CHMP4C: variants seen among roughly 807,000 people sequenced by gnomAD.
CHMP4C encodes SNF7 homolog associated with Alix 3.
In CHMP4C, 28 loss-of-function variants were observed where a neutral mutation model predicts 29.0. That is an observed-to-expected ratio of 0.97 (90% confidence interval 0.72 to 1.32). The LOEUF (loss-of-function observed/expected upper bound fraction) is 1.32, where lower values mean the gene tolerates loss of function less well. CHMP4C is among the 40% of genes most tolerant of loss of function. The probability of loss-of-function intolerance (pLI) is 0.00; values close to 1 mark genes in which losing one functional copy is unlikely to be tolerated. For synonymous variants in CHMP4C, 106 were observed against 102.4 expected (o/e 1.04, Z -0.21); for missense variants, 291 against 281.0 (o/e 1.04, Z -0.25).
At position 81,759,133 on chromosome 8, in the gene CHMP4C, C is replaced by A. The variant is rs927388826; in HGVS notation, c.*589C>A. On this transcript the variant is annotated 3_prime_UTR_variant, in exon 5 of 5. Coordinates refer to ENST00000297265, the MANE Select transcript of CHMP4C (RefSeq NM_152284.4). ...ATATACTGTGTCTCTTTTGGGAGAG[C>A]CTTTTAGTAGAGGAGTCTTATATGA... 3 of 152,534 alleles carry A rather than the reference C, an allele frequency of 2.0e-5. No individual in the cohort carries two copies. The highest frequency in any genetic ancestry group is 2.9e-5 in the Non-Finnish European group (2 of 68,048). 9.4% of individuals were successfully genotyped at this position (152,534 alleles called of 1,614,324 possible). A position where few individuals can be genotyped will look rare whatever the true frequency, so the allele number is the denominator to read the frequency against.
At chr8:81,746,188 A>G (rs1808820588) in intron 1 of CHMP4C, among the ~76,000 whole-genome samples, 1 of 152,184 alleles carries the variant, frequency 6.6e-6, no homozygotes. Context: ...ATCATAGTAA[A>G]TGTCAGGTAT....
intron 1 of CHMP4C, among the ~76,000 whole-genome samples, chr8:81,745,819 A>C (rs1808816660): frequency 6.6e-6 from 1 of 152,184 alleles, no homozygotes; most frequent in Non-Finnish European, 1.5e-5. Context: ...TTTGTCTTAG[A>C]AAGAATGTTG....
chr8:81,758,835 T>A lies in CHMP4C; in HGVS notation c.*291T>A. 4.0e-6 allele frequency: 1 copy of A among 252,590 alleles called. No individual in the cohort carries two copies. Among genetic ancestry groups the A allele is most frequent in the Non-Finnish European group, 7.5e-6 (1 of 132,856 alleles). The allele number at this position is 252,590 out of a possible 1,614,324, so 15.6% of individuals were successfully genotyped here. On this transcript the variant is annotated 3_prime_UTR_variant, in exon 5 of 5. Coordinates refer to ENST00000297265, the MANE Select transcript of CHMP4C (RefSeq NM_152284.4). ...GACCAACATGAAGAAACCCTGTCTG[T>A]ACTAAAAATACAAAAATTAGCCGGA...
In CHMP4C at chr8:81,753,228, G is replaced by A; in HGVS notation, c.355G>A (p.Val119Ile). The stretch of plus-strand genomic sequence containing the variant: ...CTTTGCAGCAAAAGCGATGAAATCT[G>A]TTCATGAAAACATGTGAGTGACTCT... ...MGFAAKAMKS[V>I]HENMDLNKID... Residue 119 changes from valine (V) to isoleucine (I), a missense_variant, in exon 2 of 5, where the codon GTT becomes ATT. By Grantham distance (29) the Val-to-Ile change is conservative. Transcript: ENST00000297265. 1 of 1,601,706 alleles carries A rather than the reference G, an allele frequency of 6.2e-7. No individual in the cohort carries two copies. The highest frequency in any genetic ancestry group is 8.5e-7 in the Non-Finnish European group (1 of 1,174,554).
chr8:81,753,139 T>C lies in CHMP4C; in HGVS notation c.266T>C (p.Ile89Thr), dbSNP rs543235447. 2.2e-5 allele frequency: 36 copies of C among 1,612,466 alleles called. No individual in the cohort carries two copies. Among genetic ancestry groups the C allele is most frequent in the Middle Eastern group, 3.3e-4 (2 of 6,078 alleles). ...CAGATTGATGGCACACTTTCTACCA[T>C]TGAGTTCCAGAGAGAAGCCCTGGAG... is the stretch of plus-strand genomic sequence containing the variant. ...LTQIDGTLST[I>T]EFQREALENS... Residue 89 changes from isoleucine (I) to threonine (T), a missense_variant, in exon 2 of 5, where the codon ATT (isoleucine) becomes ACT (threonine). Transcript: ENST00000297265.
Position 81,742,696 on chromosome 8 carries a change from C to G in CHMP4C, c.190+9880C>G, listed in dbSNP as rs922157066. 2.0e-5 allele frequency among the ~76,000 whole-genome samples: 3 copies of G among 152,010 alleles called. No homozygotes were observed. The South Asian group carries it at 6.2e-4, about 31-fold the overall frequency. ...TGCTATTTACATTATCATTTCTTTC[C>G]ATATATTTAATATATATAAAGTGAA... On this transcript the variant is annotated intron_variant, in intron 1 of 4. Transcript: ENST00000297265.
chr8:81,757,257 A>T (rs142671503), intron 3 of CHMP4C, among the ~76,000 whole-genome samples: 1 of 152,306 alleles, frequency 6.6e-6, no homozygotes, highest in African/African-American at 2.4e-5. Flanking sequence ...AATTTGTTGA[A>T]TAATGAATGA....
chr8:81,738,270 A>C (rs986291841), intron 1 of CHMP4C, among the ~76,000 whole-genome samples: 5 of 152,146 alleles, frequency 3.3e-5, no homozygotes, highest in Non-Finnish European at 5.9e-5. Context: ...AGAGAAAGCA[A>C]ATTTGGCCAA....
intron 1 of CHMP4C, among the ~76,000 whole-genome samples, chr8:81,741,486 G>A (rs1044236749): frequency 9.2e-5 from 14 of 151,980 alleles, no homozygotes; most frequent in African/African-American, 3.4e-4. Flanking sequence ...CAGTACTTAG[G>A]ACCACTTATT....
intron 1 of CHMP4C, among the ~76,000 whole-genome samples, chr8:81,741,619 A>T (rs757255148): frequency 9.2e-5 from 14 of 151,986 alleles, no homozygotes; most frequent in Non-Finnish European, 1.5e-4. Context: ...TGGAATGGGT[A>T]AGAATGATCT....
In CHMP4C at chr8:81,740,982, A is replaced by AT. The variant is rs768335281; in HGVS notation, c.190+8171dup. Among the ~76,000 whole-genome samples, 11 of 152,248 alleles carry AT rather than the reference A, an allele frequency of 7.2e-5. 1 individual carries two copies. In the East Asian group the frequency reaches 1.4e-3, roughly 19 times the overall value. On this transcript the variant is annotated intron_variant, in intron 1 of 4. Coordinates refer to ENST00000297265, the MANE Select transcript of CHMP4C (RefSeq NM_152284.4). Reference sequence around the variant, plus strand: ...AAGAAGCCTATGAAATTATTTTGGTATTTTTCATAGCTATGAACTCATATT... The same window carrying AT: ...AAGAAGCCTATGAAATTATTTTGGTATTTTTTCATAGCTATGAACTCATATT...
chr8:81,745,598 T>C (rs918815166), intron 1 of CHMP4C, among the ~76,000 whole-genome samples: 2 of 152,220 alleles, frequency 1.3e-5, no homozygotes, highest in African/African-American at 2.4e-5. Context: ...TGGAGTTGCA[T>C]AGGAATAGTT....
chr8:81,754,173 CATTTTGA>C (rs1808943716), intron 2 of CHMP4C, among the ~76,000 whole-genome samples: 1 of 152,054 alleles, frequency 6.6e-6, no homozygotes, highest in South Asian at 2.1e-4. Context: ...AATCAGCCTC[CATTTTGA>C]CAGCTTCAGG....
chr8:81,742,174 G>A (rs896653758), intron 1 of CHMP4C, among the ~76,000 whole-genome samples: 1 of 151,996 alleles, frequency 6.6e-6, no homozygotes, highest in Non-Finnish European at 1.5e-5. Flanking sequence ...GAATTTCCAG[G>A]TAGCTAGAAG....
chr8:81,748,001 G>A (rs756438125), intron 1 of CHMP4C, among the ~76,000 whole-genome samples: 37 of 152,064 alleles, frequency 2.4e-4, no homozygotes, highest in Non-Finnish European at 5.3e-4. Flanking sequence ...TCTCACCTCT[G>A]CAATCTCGAC....
At chr8:81,735,359 T>A (rs190957523) in intron 1 of CHMP4C, among the ~76,000 whole-genome samples, 206 of 152,352 alleles carry the variant, frequency 1.4e-3, no homozygotes, top group African/African-American at 4.8e-3. Context: ...CTTAGGCTCC[T>A]GCGTTGGTAA....
In CHMP4C at chr8:81,743,613, C is replaced by T. The variant is rs1808789360; in HGVS notation, c.191-9451C>T. On this transcript the variant is annotated intron_variant, in intron 1 of 4. Transcript: ENST00000297265. ...AATTGACTTCTGAAGCAATTAATTACAAGAGATGAGAATTTTAGTGAGTAT... is the reference window on the plus strand; with the variant it reads ...AATTGACTTCTGAAGCAATTAATTATAAGAGATGAGAATTTTAGTGAGTAT... Among the ~76,000 whole-genome samples, 3 of 152,248 alleles carry T rather than the reference C, an allele frequency of 2.0e-5. No homozygotes were observed. In the East Asian group the frequency reaches 5.8e-4, roughly 29 times the overall value.
At chr8:81,748,290 G>A (rs979499858) in intron 1 of CHMP4C, among the ~76,000 whole-genome samples, 12 of 152,070 alleles carry the variant, frequency 7.9e-5, no homozygotes, top group African/African-American at 2.9e-4. Flanking sequence ...TACAATTTGT[G>A]CAGTTAACGC....
intron 1 of CHMP4C, among the ~76,000 whole-genome samples, chr8:81,751,640 CAAG>C (rs982167841): frequency 1.3e-5 from 2 of 151,654 alleles, no homozygotes; most frequent in African/African-American, 4.8e-5. Flanking sequence ...TACATAAAGA[CAAG>C]AAAGCAGAAA....
Sources: gnomAD v4.1 joint callset for allele counts (sites outside exome capture counted in the v4.1 genomes callset) on GRCh38, gnomAD v4.1.1 for gene constraint, MANE v1.5 for transcripts, NCBI Gene and HGNC (gene_info 2026-07-23, HGNC 2026-07-21) for gene names.